The following CFAP57 variants were observed in gnomAD, a reference collection of about 807,000 sequenced individuals.
CFAP57 encodes cilia and flagella associated protein 57.
A neutral mutation model predicts 146.8 loss-of-function variants in CFAP57; 116 were observed. The ratio of observed to expected loss-of-function variants is 0.79; its 90% CI spans 0.68 to 0.92. The LOEUF is 0.92. CFAP57 is among the 40% of genes least tolerant of loss of function. The pLI is 0.00. For synonymous variants in CFAP57, 518 were observed against 552.8 expected (o/e 0.94, Z 0.88); for missense variants, 1,377 against 1,527.2 (o/e 0.90, Z 1.64).
chr1:43,194,031 G>A (rs866471106), intron 6 of CFAP57, among the ~76,000 whole-genome samples: 23 of 151,956 alleles, frequency 1.5e-4, no homozygotes, highest in Admixed American at 5.9e-4. Flanking sequence ...TATTTATATT[G>A]TCTTTTATAA....
At chr1:43,208,593 A>G (rs999991450) in intron 10 of CFAP57, among the ~76,000 whole-genome samples, 4 of 152,180 alleles carry the variant, frequency 2.6e-5, no homozygotes, top group Admixed American at 2.6e-4. Flanking sequence ...GCATTGAACA[A>G]TGAGAGCACT....
At chr1:43,186,591 A>G (rs1643116573) in intron 5 of CFAP57, 116 bp from the exon 6 acceptor site, 1 of 1,205,290 alleles carries the variant, frequency 8.3e-7, no homozygotes, top group African/African-American at 1.6e-5. Context: ...GGCCTGGGCA[A>G]AAGAGCGAGA....
chr1:43,250,647 C>T (rs1320189014), intron 22 of CFAP57, among the ~76,000 whole-genome samples: 1 of 152,210 alleles, frequency 6.6e-6, no homozygotes, highest in African/African-American at 2.4e-5. Context: ...AACAAACAAG[C>T]CCCTAGTGTC....
At chr1:43,252,190 G>C (rs1646341470) in intron 22 of CFAP57, among the ~76,000 whole-genome samples, 1 of 152,068 alleles carries the variant, frequency 6.6e-6, no homozygotes, top group Non-Finnish European at 1.5e-5. Flanking sequence ...AGAAAAGAAA[G>C]AGTCAAAGCA....
chr1:43,206,678 T>A, intron 9 of CFAP57, 42 bp from the exon 10 acceptor site: 1 of 1,596,910 alleles, frequency 6.3e-7, no homozygotes. Flanking sequence ...AGGGTGTAAG[T>A]GTGTGTACAC....
At chr1:43,193,387 A>G (rs987663105) in intron 6 of CFAP57, among the ~76,000 whole-genome samples, 2 of 151,944 alleles carry the variant, frequency 1.3e-5, no homozygotes, top group African/African-American at 4.8e-5. Context: ...ATTTATGTCT[A>G]CCATTTTTGT....
At position 43,172,392 on chromosome 1, in the gene CFAP57, G is replaced by A; in HGVS notation, c.-81G>A. The A allele has an allele frequency of 1.9e-6, 3 of 1,551,536 alleles. No homozygotes were observed. Among genetic ancestry groups the A allele is most frequent in the Non-Finnish European group, 2.6e-6 (3 of 1,146,988 alleles). Reference sequence around the variant, plus strand: ...GTTTGAAAGTGTCCGGGTTGCTTAGGATCCCTACAGGTAGCGCCTCTGGAT... The same window carrying A: ...GTTTGAAAGTGTCCGGGTTGCTTAGAATCCCTACAGGTAGCGCCTCTGGAT... On this transcript the variant is annotated 5_prime_UTR_variant, in exon 1 of 23. Coordinates refer to ENST00000372492, the MANE Select transcript of CFAP57 (RefSeq NM_001378189.1).
intron 19 of CFAP57, among the ~76,000 whole-genome samples, chr1:43,232,909 A>G (rs1645531630): frequency 6.6e-6 from 1 of 152,224 alleles, no homozygotes; most frequent in Non-Finnish European, 1.5e-5. Context: ...GGAGGAGGAA[A>G]GTACGTGCTC....
rs141030640 is a variant in CFAP57, at chr1:43,230,246, C to T, written c.3010-2262C>T. Reference sequence around the variant, plus strand: ...ACTCAGACATGATCTTCGGGAGCCCCGCAAACAGAAGCCCCCTTTCTCTCT... The same window carrying T: ...ACTCAGACATGATCTTCGGGAGCCCTGCAAACAGAAGCCCCCTTTCTCTCT... On this transcript the variant is annotated intron_variant, in intron 18 of 22. Transcript: ENST00000372492. Among the ~76,000 whole-genome samples, 52 of 152,286 alleles carry T rather than the reference C, an allele frequency of 3.4e-4. No individual in the cohort carries two copies. The East Asian group carries it at 8.3e-3, about 24-fold the overall frequency.
chr1:43,221,308 A>G, intron 13 of CFAP57, 64 bp from the exon 14 acceptor site: 6 of 1,216,138 alleles, frequency 4.9e-6, no homozygotes, highest in Non-Finnish European at 6.8e-6. Context: ...TTGTAAAATC[A>G]GTTCTTGCCC....
intron 9 of CFAP57, among the ~76,000 whole-genome samples, chr1:43,204,615 C>A (rs1158306567): frequency 6.6e-6 from 1 of 152,124 alleles, no homozygotes; most frequent in Non-Finnish European, 1.5e-5. Flanking sequence ...TATTTTTCAT[C>A]TTTTCTTTTA....
At chr1:43,252,166 T>C (rs1250457941) in intron 22 of CFAP57, among the ~76,000 whole-genome samples, 1 of 152,042 alleles carries the variant, frequency 6.6e-6, no homozygotes, top group Non-Finnish European at 1.5e-5. Context: ...ATATCTGTTT[T>C]AAAAACAAAG....
intron 2 of CFAP57, among the ~76,000 whole-genome samples, chr1:43,178,982 A>G (rs1029546379): frequency 2.0e-5 from 3 of 152,306 alleles, no homozygotes; most frequent in Middle Eastern, 3.4e-3. Flanking sequence ...CATGCCCTTT[A>G]TAGGGATACA....
Position 43,222,879 on chromosome 1 carries a change from T to C in CFAP57, c.2588T>C (p.Ile863Thr), listed in dbSNP as rs150404479. Reference protein sequence around the residue: ...LREFEETKKQIEEDEDREIQD... With the variant: ...LREFEETKKQTEEDEDREIQD... ...GAGTTTGAAGAGACCAAGAAGCAGA[T>C]TGAGGAAGATGAAGACCGAGAAATC... Residue 863 changes from isoleucine (I) to threonine (T), a missense_variant, in exon 16 of 23, where the codon ATT (isoleucine) becomes ACT (threonine). Physicochemically the swap from Ile to Thr is moderately conservative, Grantham distance 89 (BLOSUM62 -1). Transcript: ENST00000372492. The C allele has an allele frequency of 0.013, 20,790 of 1,549,630 alleles. 184 individuals are homozygous for C. Among genetic ancestry groups the C allele is most frequent in the Non-Finnish European group, 0.016 (18,238 of 1,146,468 alleles).
chr1:43,204,811 G>T (rs1644288562), intron 9 of CFAP57, among the ~76,000 whole-genome samples: 1 of 152,176 alleles, frequency 6.6e-6, no homozygotes, highest in African/African-American at 2.4e-5. Context: ...CTGGTAGTTT[G>T]GATGACCCCT....
At chr1:43,241,199 G>A (rs895186091) in intron 21 of CFAP57, among the ~76,000 whole-genome samples, 6 of 152,124 alleles carry the variant, frequency 3.9e-5, no homozygotes, top group African/African-American at 9.7e-5. Context: ...TCATTACTGC[G>A]AGGATGGCAC....
intron 22 of CFAP57, among the ~76,000 whole-genome samples, chr1:43,249,480 A>G (rs374120770): frequency 9.1e-6 from 1 of 110,192 alleles, no homozygotes; most frequent in African/African-American, 3.6e-5. Context: ...CCCAGGCTGG[A>G]GTGCAGTGGC....
rs1445523617 is a variant in CFAP57, at chr1:43,234,427, C to T, written c.3261+14C>T. On this transcript the variant is annotated intron_variant, in intron 20 of 22. Coordinates refer to ENST00000372492, the MANE Select transcript of CFAP57 (RefSeq NM_001378189.1). Reference sequence around the variant, plus strand: ...CGAGCAGACATGGTAAGCTCAGCCTCCCCTCCTGCCATGCACTGACCTCCG... The same window carrying T: ...CGAGCAGACATGGTAAGCTCAGCCTTCCCTCCTGCCATGCACTGACCTCCG... 5.2e-6 allele frequency: 8 copies of T among 1,545,440 alleles called. No homozygotes were observed. The highest frequency in any genetic ancestry group is 5.2e-6 in the Non-Finnish European group (6 of 1,144,268).
Position 43,237,554 on chromosome 1 carries a change from C to T in CFAP57, c.3405+2916C>T, listed in dbSNP as rs75996757. On this transcript the variant is annotated intron_variant, in intron 21 of 22. Coordinates refer to ENST00000372492, the MANE Select transcript of CFAP57 (RefSeq NM_001378189.1). The stretch of plus-strand genomic sequence containing the variant: ...GTGGGCTCATCCTGGAAATGGGGTT[C>T]AGTGATGCCTTCAGGACTTGTGGAA... 2.8e-3 allele frequency among the ~76,000 whole-genome samples: 419 copies of T among 152,250 alleles called. 1 individual carries two copies. Among genetic ancestry groups the T allele is most frequent in the African/African-American group, 9.8e-3 (406 of 41,540 alleles).
Sources: gnomAD v4.1 joint callset for allele counts (sites outside exome capture counted in the v4.1 genomes callset) on GRCh38, gnomAD v4.1.1 for gene constraint, MANE v1.5 for transcripts, NCBI Gene and HGNC (gene_info 2026-07-23, HGNC 2026-07-21) for gene names.